The following MAPK8IP3 variants were observed in gnomAD, a reference collection of about 807,000 sequenced individuals.
MAPK8IP3 encodes mitogen-activated protein kinase 8 interacting protein 3.
A neutral mutation model predicts 157.8 loss-of-function variants in MAPK8IP3; 49 were observed. That is an observed-to-expected ratio of 0.31 (90% CI 0.25 to 0.39). The LOEUF is 0.39. MAPK8IP3 is among the 10% of genes least tolerant of loss of function. The pLI is 1.00. For missense variants in MAPK8IP3, 1,478 were observed against 1,889.4 expected, an observed-to-expected ratio of 0.78 and a Z score of 4.04; for synonymous variants, 897 against 777.7, an observed-to-expected ratio of 1.15 and a Z score of -2.55.
intron 1 of MAPK8IP3, among the ~76,000 whole-genome samples, chr16:1,714,425 C>T (rs2038007485): frequency 6.6e-6 from 1 of 152,236 alleles, no homozygotes; most frequent in Admixed American, 6.5e-5. Flanking sequence ...GGCAAGAGAT[C>T]CAGGGCGTGC....
intron 5 of MAPK8IP3, chr16:1,745,059 A>C: frequency 1.0e-6 from 1 of 985,384 alleles, no homozygotes; most frequent in Non-Finnish European, 1.2e-6. Context: ...TTTGGAGGTC[A>C]CTGCTACACG....
At chr16:1,763,179 G>A (rs1448594453) in intron 16 of MAPK8IP3, among the ~76,000 whole-genome samples, 173 bp downstream of exon 16, 1 of 152,228 alleles carries the variant, frequency 6.6e-6, no homozygotes, top group African/African-American at 2.4e-5. Flanking sequence ...TCCCTGCAGC[G>A]GGGAGCTGGG....
Position 1,768,564 on chromosome 16 carries a change from G to T in MAPK8IP3, c.3830G>T (p.Gly1277Val), listed in dbSNP as rs779535222. ...GPAAPASEVE[G>V]QKLRNVLVLS... ...GCTGCCCCTGCCTCGGAGGTCGAGG[G>T]CCAGAAGCTGCGGAACGTGCTGGTG... The change falls in exon 31 of 32, where the codon GGC becomes GTC. Residue 1277 changes from glycine (G) to valine (V), a missense_variant. Gly to Val is a moderately radical substitution (Grantham distance 109). Transcript: ENST00000610761. 4 of 1,579,018 alleles carry T rather than the reference G, an allele frequency of 2.5e-6. No homozygotes were observed. Among genetic ancestry groups the T allele is most frequent in the Middle Eastern group, 1.7e-4 (1 of 5,858 alleles).
chr16:1,760,886 G>C (rs779728022), intron 12 of MAPK8IP3, among the ~76,000 whole-genome samples: 2 of 152,232 alleles, frequency 1.3e-5, no homozygotes, highest in Non-Finnish European at 2.9e-5. Context: ...GGCGCTCCGA[G>C]ACCATGCCTC....
At chr16:1,726,922 G>A (rs1427738735) in intron 2 of MAPK8IP3, among the ~76,000 whole-genome samples, 1 of 152,242 alleles carries the variant, frequency 6.6e-6, no homozygotes, top group East Asian at 1.9e-4. Flanking sequence ...GCAGCAGCCA[G>A]TTACATGTGT....
chr16:1,746,039 T>G (rs1003292620), intron 5 of MAPK8IP3: 1 of 152,106 alleles, frequency 6.6e-6, no homozygotes, highest in Non-Finnish European at 1.5e-5. Context: ...ATCCTTAGCA[T>G]TAGAGTCCCC....
rs1458504281 is a variant in MAPK8IP3 at position 1,741,722 on chromosome 16, T to C, written c.603-1610T>C. On this transcript the variant is annotated intron_variant, in intron 4 of 31. Coordinates refer to ENST00000610761, the MANE Select transcript of MAPK8IP3 (RefSeq NM_001318852.2). The surrounding 1 kb of genome is among the most constrained non-coding windows in gnomAD (Gnocchi z 6.9). Reference sequence around the variant, plus strand: ...GCCTGGTGGCTGGCTGCCTTCACGGTGGCCAGGGAACCTCATGGCTGTTGT... The same window carrying C: ...GCCTGGTGGCTGGCTGCCTTCACGGCGGCCAGGGAACCTCATGGCTGTTGT... Among the ~76,000 whole-genome samples, 1 of 152,054 alleles carries C rather than the reference T, an allele frequency of 6.6e-6. No individual in the cohort carries two copies. Among genetic ancestry groups the C allele is most frequent in the Non-Finnish European group, 1.5e-5 (1 of 67,976 alleles).
At chr16:1,757,021 GAGA>G (rs143957102) in intron 8 of MAPK8IP3, among the ~76,000 whole-genome samples, 3,461 of 152,254 alleles carry the variant, frequency 0.023, 146 homozygotes, top group African/African-American at 0.078. Context: ...CGAGATGAGA[GAGA>G]AGGACATCTG....
intron 4 of MAPK8IP3, among the ~76,000 whole-genome samples, chr16:1,737,388 C>T (rs112232746): frequency 6.3e-5 from 6 of 95,784 alleles, no homozygotes; most frequent in Non-Finnish European, 1.0e-4. Context: ...GTGTGACCAT[C>T]CATGTGAGCA....
intron 4 of MAPK8IP3, among the ~76,000 whole-genome samples, chr16:1,740,296 G>A (rs35545084): frequency 0.093 from 13,833 of 148,238 alleles, 691 homozygotes; most frequent in African/African-American, 0.1. Flanking sequence ...GCATAACCGT[G>A]TGAGCATCCG....
Position 1,750,202 on chromosome 16 carries a change from G to GTTTA in MAPK8IP3, c.1216+1506_1216+1509dup, listed in dbSNP as rs370041068. On this transcript the variant is annotated intron_variant, in intron 8 of 31. Transcript: ENST00000610761. ...TTCCACTCTACATAATTCAGATAAT[G>GTTTA]TTTATTTATTTATTTATTTATTTAT... 8.1e-3 allele frequency among the ~76,000 whole-genome samples: 1,223 copies of GTTTA among 151,894 alleles called. 8 individuals are homozygous for GTTTA. The highest frequency in any genetic ancestry group is 0.011 in the Non-Finnish European group (753 of 67,926).
At chr16:1,766,459 G>A (rs2141951205) in intron 22 of MAPK8IP3, 50 bp downstream of exon 22, 1 of 1,602,770 alleles carries the variant, frequency 6.2e-7, no homozygotes, top group Non-Finnish European at 8.5e-7. Context: ...GCAGAGGTGG[G>A]AAGGGCCTCG....
chr16:1,764,284 C>T lies in MAPK8IP3; in HGVS notation c.2122-17C>T, dbSNP rs2042127543. Reference sequence around the variant, plus strand: ...GGGGAGTGCCGGTGACACCCGACCTCGGCCCTGCCCTTGCAGCTGTGGTGT... The same window carrying T: ...GGGGAGTGCCGGTGACACCCGACCTTGGCCCTGCCCTTGCAGCTGTGGTGT... On this transcript the variant is annotated splice_polypyrimidine_tract_variant and intron_variant, in intron 18 of 31. Transcript: ENST00000610761. The T allele has an allele frequency of 1.9e-6, 3 of 1,583,486 alleles. No homozygotes were observed. The highest frequency in any genetic ancestry group is 2.6e-6 in the Non-Finnish European group (3 of 1,166,114).
chr16:1,729,791 G>A (rs1432274706), intron 4 of MAPK8IP3, among the ~76,000 whole-genome samples: 1 of 152,076 alleles, frequency 6.6e-6, no homozygotes, highest in Non-Finnish European at 1.5e-5. Flanking sequence ...GACATGTGTC[G>A]AGCCCGTGTG....
At position 1,768,806 on chromosome 16, in the gene MAPK8IP3, G is replaced by A. The variant is rs780975325; in HGVS notation, c.3996G>A (p.Val1332=). 2.0e-5 allele frequency: 33 copies of A among 1,612,332 alleles called. No individual in the cohort carries two copies. Among genetic ancestry groups the A allele is most frequent in the Non-Finnish European group, 2.6e-5 (31 of 1,179,794 alleles). ...GCAGTCACATCATCGTGTGGCAGGT[G>A]TCCTACACCCCCGAGTGAAGCTGCT... ...AERSHIIVWQ[V]SYTPE The change falls in exon 32 of 32, where the codon GTG becomes GTA. Residue 1332 remains valine, a synonymous_variant. Transcript: ENST00000610761.
At chr16:1,711,247 A>G (rs2142269351) in intron 1 of MAPK8IP3, among the ~76,000 whole-genome samples, 1 of 152,290 alleles carries the variant, frequency 6.6e-6, no homozygotes, top group Admixed American at 6.5e-5. Context: ...CTGGCTGTGT[A>G]AGGGGCTCAG....
rs915581166 is a variant in MAPK8IP3, at chr16:1,757,392, C to T, written c.1217-756C>T. On this transcript the variant is annotated intron_variant, in intron 8 of 31. Transcript: ENST00000610761. ...GTGCTGGGATTACAGGCGTGAGCCA[C>T]CACGCCCTGCTCAAGTGACTTTTTA... Among the ~76,000 whole-genome samples the T allele has an allele frequency of 4.6e-5, 7 of 152,188 alleles. No individual in the cohort carries two copies. In the East Asian group the frequency reaches 1.4e-3, roughly 29 times the overall value.
rs577524190 is a variant in MAPK8IP3, at chr16:1,760,197, C to T, written c.1304+182C>T. 4.2e-6 allele frequency: 4 copies of T among 958,648 alleles called. No homozygotes were observed. The African/African-American group carries it at 6.6e-5, about 16-fold the overall frequency. The allele number at this position is 958,648 out of a possible 1,614,324, so 59.4% of individuals were successfully genotyped here. Reference sequence around the variant, plus strand: ...CCTGGTTTCTTTACGAAGCTTGTCTCCAGGAGCCTCTAACAAGGGTGCTAT... The same window carrying T: ...CCTGGTTTCTTTACGAAGCTTGTCTTCAGGAGCCTCTAACAAGGGTGCTAT... On this transcript the variant is annotated intron_variant, in intron 11 of 31. Coordinates refer to ENST00000610761, the MANE Select transcript of MAPK8IP3 (RefSeq NM_001318852.2).
In MAPK8IP3 at chr16:1,763,784, G is replaced by GTGCGGGCGGGCGC; in HGVS notation, c.2025+8_2025+20dup. The GTGCGGGCGGGCGC allele has an allele frequency of 3.2e-6, 5 of 1,550,604 alleles. No homozygotes were observed. The highest frequency in any genetic ancestry group is 4.4e-6 in the Non-Finnish European group (5 of 1,146,254). ...GAGCCTGCCCGCCAAGTACAAGCAG[G>GTGCGGGCGGGCGC]TGCGGGCGGGCGCTGCGGGGACCGG... On this transcript the variant is annotated splice_donor_variant, in intron 17 of 31. Transcript: ENST00000610761. LOFTEE classifies it high-confidence loss of function.
Sources: allele counts gnomAD v4.1 joint callset (sites outside exome capture counted in the v4.1 genomes callset), GRCh38; gene constraint gnomAD v4.1.1; non-coding constraint Gnocchi (gnomAD v3.1); transcripts MANE v1.5; gene names NCBI Gene and HGNC (gene_info 2026-07-23, HGNC 2026-07-21).